LRBA: variants seen among roughly 807,000 people sequenced by gnomAD.
LRBA encodes lipopolysaccharide-responsive and beige-like anchor protein.
In LRBA, 176 loss-of-function variants were observed where a neutral mutation model predicts 330.0. The ratio of observed to expected loss-of-function variants is 0.53; its 90% CI spans 0.47 to 0.60. The LOEUF is 0.60. Ranked by LOEUF, LRBA falls within the 20% of genes least tolerant of loss-of-function variation. The pLI is 0.00. For synonymous variants in LRBA, 1,230 were observed against 1,193.0 expected, an observed-to-expected ratio of 1.03 and a Z score of -0.64; for missense variants, 3,259 against 3,444.8, an observed-to-expected ratio of 0.95 and a Z score of 1.35.
At chr4:150,554,613 G>C (rs1041807200) in intron 40 of LRBA, among the ~76,000 whole-genome samples, 1 of 151,958 alleles carries the variant, frequency 6.6e-6, no homozygotes, top group East Asian at 1.9e-4. Context: ...CTAAAGTATA[G>C]AAAGATGCTA....
In LRBA at chr4:150,607,944, A is replaced by G. The variant is rs548745016; in HGVS notation, c.5922-8813T>C. Among the ~76,000 whole-genome samples the G allele has an allele frequency of 1.9e-3, 293 of 152,316 alleles. 2 individuals are homozygous for G. In the Middle Eastern group the frequency reaches 0.02, roughly 11 times the overall value. ...CAGCTACTTGGGAGGCTGAGGCAGGAGAATTGCTTGAACCTGGGAGGCAGA... is the reference window on the plus strand; with the variant it reads ...CAGCTACTTGGGAGGCTGAGGCAGGGGAATTGCTTGAACCTGGGAGGCAGA... On this transcript the variant is annotated intron_variant, in intron 37 of 56. Coordinates refer to ENST00000651943, the MANE Select transcript of LRBA (RefSeq NM_001364905.1).
At chr4:150,509,566 A>C (rs1009317602) in intron 40 of LRBA, among the ~76,000 whole-genome samples, 1 of 85,926 alleles carries the variant, frequency 1.2e-5, no homozygotes, top group African/African-American at 3.0e-5. Flanking sequence ...AGAATAGAAA[A>C]CCAAAAAAAA....
chr4:150,505,812 A>T (rs183076424), intron 40 of LRBA, among the ~76,000 whole-genome samples: 2 of 152,326 alleles, frequency 1.3e-5, no homozygotes, highest in Admixed American at 6.5e-5. Flanking sequence ...TGAAAAGATC[A>T]ACAAAATTAT....
chr4:150,597,317 A>G (rs897850221), intron 38 of LRBA, among the ~76,000 whole-genome samples: 1 of 151,954 alleles, frequency 6.6e-6, no homozygotes, highest in Non-Finnish European at 1.5e-5. Context: ...CTCAACAATT[A>G]AAATTTATTC....
chr4:150,406,341 CTAT>C (rs1298027386), intron 47 of LRBA, among the ~76,000 whole-genome samples: 2 of 152,040 alleles, frequency 1.3e-5, no homozygotes, highest in African/African-American at 4.8e-5. Context: ...CTGGATTGTG[CTAT>C]TATTATGCTA....
At position 150,893,167 on chromosome 4, in the gene LRBA, ATT is replaced by A; in HGVS notation, c.2068-20_2068-19del. ...TTGTCATCCTATAATCATTTTAGAA[ATT>A]TTTTTTAAAAAATGAGGAAAAAACA... On this transcript the variant is annotated intron_variant, in intron 16 of 56. Transcript: ENST00000651943. The A allele has an allele frequency of 6.7e-7, 1 of 1,501,434 alleles. No homozygotes were observed. The allele number at this position is 1,501,434 out of a possible 1,614,324, so 93.0% of individuals were successfully genotyped here. A position where few individuals can be genotyped will look rare whatever the true frequency, so the allele number is the denominator to read the frequency against.
intron 37 of LRBA, among the ~76,000 whole-genome samples, chr4:150,677,913 A>G (rs1782710995): frequency 2.0e-5 from 3 of 152,174 alleles, no homozygotes; most frequent in Admixed American, 2.0e-4. Context: ...CAAATATACA[A>G]AAGATAATAT....
chr4:150,753,158 C>A (rs1213676375), intron 35 of LRBA, among the ~76,000 whole-genome samples: 1 of 152,130 alleles, frequency 6.6e-6, no homozygotes, highest in Non-Finnish European at 1.5e-5. Context: ...CCTCTGTATC[C>A]GACTGTACCT....
chr4:150,931,978 G>A (rs1056467505), intron 2 of LRBA, among the ~76,000 whole-genome samples: 2 of 152,156 alleles, frequency 1.3e-5, no homozygotes, highest in African/African-American at 2.4e-5. Flanking sequence ...GGGAGACCAA[G>A]GCGGGAGAGT....
intron 38 of LRBA, 101 bp downstream of exon 38, chr4:150,598,906 G>A: frequency 7.3e-7 from 1 of 1,368,624 alleles, no homozygotes; most frequent in Non-Finnish European, 1.0e-6. Flanking sequence ...ATAAAATGTG[G>A]TGTTGGACCA....
At chr4:150,639,444 T>C (rs901046540) in intron 37 of LRBA, among the ~76,000 whole-genome samples, 6 of 146,378 alleles carry the variant, frequency 4.1e-5, no homozygotes, top group Non-Finnish European at 9.0e-5. Context: ...AATTAATCTA[T>C]CTAAAAATAA....
At chr4:150,651,303 A>G (rs1779685527) in intron 37 of LRBA, among the ~76,000 whole-genome samples, 1 of 152,164 alleles carries the variant, frequency 6.6e-6, no homozygotes, top group Admixed American at 6.5e-5. Flanking sequence ...AATATCCCCA[A>G]TAACAACTAA....
intron 17 of LRBA, among the ~76,000 whole-genome samples, chr4:150,877,787 GAA>G (rs1208784725): frequency 6.6e-6 from 1 of 152,128 alleles, no homozygotes. Context: ...TCGCCATAAA[GAA>G]AGTCTCAATA....
chr4:150,441,405 C>T (rs907646537), intron 44 of LRBA, among the ~76,000 whole-genome samples: 3 of 152,000 alleles, frequency 2.0e-5, no homozygotes, highest in Non-Finnish European at 4.4e-5. Context: ...CTACGAAAAG[C>T]ATAAGAAATA....
intron 22 of LRBA, among the ~76,000 whole-genome samples, chr4:150,867,112 T>TTAAA (rs1189772254): frequency 1.1e-4 from 13 of 122,772 alleles, no homozygotes; most frequent in African/African-American, 3.9e-4. Context: ...TGGCTTAATT[T>TTAAA]AAAAAAAAAA....
chr4:150,490,170 A>G (rs1480262391), intron 41 of LRBA, among the ~76,000 whole-genome samples: 1 of 151,820 alleles, frequency 6.6e-6, no homozygotes, highest in Non-Finnish European at 1.5e-5. Flanking sequence ...TATTCCCTAA[A>G]GACAGATAAT....
At chr4:150,509,175 ATAT>A (rs1761525598) in intron 40 of LRBA, among the ~76,000 whole-genome samples, 1 of 152,264 alleles carries the variant, frequency 6.6e-6, no homozygotes, top group African/African-American at 2.4e-5. Flanking sequence ...CAAAATATAC[ATAT>A]TATTAAAACA....
At chr4:150,906,220 A>C (rs1731320892) in intron 12 of LRBA, 77 bp downstream of exon 12, 1 of 951,874 alleles carries the variant, frequency 1.1e-6, no homozygotes, top group African/African-American at 1.6e-5. Flanking sequence ...TTGCAGACAG[A>C]ATTCCTTAGC....
chr4:150,395,704 T>G (rs1045236578), intron 47 of LRBA, among the ~76,000 whole-genome samples: 23 of 152,134 alleles, frequency 1.5e-4, no homozygotes, highest in African/African-American at 5.5e-4. Context: ...CCAAGCCTCA[T>G]CCCTGGCTAT....
Sources: allele counts gnomAD v4.1 joint callset (sites outside exome capture counted in the v4.1 genomes callset), GRCh38; gene constraint gnomAD v4.1.1; transcripts MANE v1.5; gene names NCBI Gene and HGNC (gene_info 2026-07-23, HGNC 2026-07-21).